Variants in RIOK3 observed in about 807,000 individuals in gnomAD.
RIOK3 encodes the protein RIO kinase 3.
Under a neutral mutation model 63.5 loss-of-function variants are expected in RIOK3, and 40 were observed. That is an observed-to-expected ratio of 0.63 (90% confidence interval 0.49 to 0.82). RIOK3 has a LOEUF of 0.82. RIOK3 is among the 40% of genes least tolerant of loss of function. The probability of loss-of-function intolerance (pLI) is 0.00; values close to 1 mark genes in which losing one functional copy is unlikely to be tolerated. For missense variants in RIOK3, 557 were observed against 637.0 expected (o/e 0.87, Z 1.35); for synonymous variants, 193 against 205.0 (o/e 0.94, Z 0.50).
chr18:23,470,909 G>A (rs2057452249), intron 7 of RIOK3, among the ~76,000 whole-genome samples: 1 of 152,154 alleles, frequency 6.6e-6, no homozygotes, highest in Admixed American at 6.5e-5. Context: ...GGTTAAACTA[G>A]TCCAATGAAA....
At chr18:23,458,818 C>T (rs1399003872) in intron 1 of RIOK3, among the ~76,000 whole-genome samples, 1 of 152,160 alleles carries the variant, frequency 6.6e-6, no homozygotes, top group Non-Finnish European at 1.5e-5. Flanking sequence ...GGTCTTCCCC[C>T]GACCCCAGAA....
intron 1 of RIOK3, among the ~76,000 whole-genome samples, chr18:23,458,438 G>C (rs967691220): frequency 6.6e-6 from 1 of 152,106 alleles, no homozygotes; most frequent in Non-Finnish European, 1.5e-5. Context: ...GTGGGTCTTA[G>C]GGTTATTTAG....
intron 12 of RIOK3, 68 bp from the exon 13 acceptor site, chr18:23,481,104 C>T: frequency 8.4e-7 from 1 of 1,197,108 alleles, no homozygotes; most frequent in African/African-American, 1.5e-5. Context: ...ATTACTAGCA[C>T]AATCTAAAAT....
intron 8 of RIOK3, among the ~76,000 whole-genome samples, chr18:23,474,372 G>GA (rs375024601): frequency 7.1e-4 from 106 of 150,320 alleles, no homozygotes; most frequent in African/African-American, 2.2e-3. Flanking sequence ...GTCTCAAAAA[G>GA]AAAAAAAAAT....
At chr18:23,463,149 C>A in intron 2 of RIOK3, 70 bp downstream of exon 2, 2 of 971,816 alleles carry the variant, frequency 2.1e-6, no homozygotes, top group South Asian at 1.5e-5. Context: ...GAGTAATTGT[C>A]ATGACAAGTG....
At chr18:23,462,580 C>T (rs920573331) in intron 1 of RIOK3, among the ~76,000 whole-genome samples, 1 of 152,206 alleles carries the variant, frequency 6.6e-6, no homozygotes, top group Non-Finnish European at 1.5e-5. Flanking sequence ...TTGGCATAGT[C>T]TATTCCTATA....
chr18:23,480,069 C>T (rs941113965), intron 12 of RIOK3, among the ~76,000 whole-genome samples: 3 of 152,146 alleles, frequency 2.0e-5, no homozygotes, highest in Non-Finnish European at 4.4e-5. Context: ...CTTTACTAAA[C>T]ATAGAAAGTT....
chr18:23,469,257 G>T (rs930435087), intron 7 of RIOK3, among the ~76,000 whole-genome samples: 1 of 149,694 alleles, frequency 6.7e-6, no homozygotes, highest in Non-Finnish European at 1.5e-5. Context: ...CACACCAAGG[G>T]GGCTGGGAGT....
intron 12 of RIOK3, among the ~76,000 whole-genome samples, chr18:23,479,668 T>C (rs2057518495): frequency 1.3e-5 from 2 of 151,938 alleles, no homozygotes; most frequent in Admixed American, 1.3e-4. Context: ...CCTCTGCCTC[T>C]TGGGTTCAAG....
chr18:23,481,045 A>G (rs924268548), intron 12 of RIOK3, 127 bp from the exon 13 acceptor site: 6 of 643,498 alleles, frequency 9.3e-6, no homozygotes, highest in Non-Finnish European at 1.4e-5. Flanking sequence ...GCACCACTGC[A>G]CTCCAGCCTG....
intron 6 of RIOK3, among the ~76,000 whole-genome samples, chr18:23,467,013 C>CT (rs1778795060): frequency 6.7e-6 from 1 of 148,464 alleles, no homozygotes; most frequent in Non-Finnish European, 1.5e-5. Flanking sequence ...CTCTCTGTCT[C>CT]TAAAAAAAAA....
intron 1 of RIOK3, among the ~76,000 whole-genome samples, chr18:23,459,896 G>A (rs925136073): frequency 6.6e-6 from 1 of 152,192 alleles, no homozygotes; most frequent in Non-Finnish European, 1.5e-5. Flanking sequence ...GTTTCTCCAT[G>A]TTGACCAGAC....
intron 5 of RIOK3, 35 bp from the exon 6 acceptor site, chr18:23,466,098 T>A (rs1841016382): frequency 1.3e-6 from 2 of 1,528,922 alleles, no homozygotes; most frequent in East Asian, 2.3e-5. Context: ...GTCCCTATTT[T>A]AAAATATTTA....
intron 12 of RIOK3, among the ~76,000 whole-genome samples, chr18:23,480,521 G>A (rs1312061015): frequency 6.8e-6 from 1 of 146,836 alleles, no homozygotes; most frequent in Non-Finnish European, 1.5e-5. Flanking sequence ...AAAAATACAT[G>A]TATGTATGAC....
In RIOK3 at chr18:23,479,357, G is replaced by A. The variant is rs148958408; in HGVS notation, c.1385G>A (p.Arg462Gln). 183 of 1,613,746 alleles carry A rather than the reference G, an allele frequency of 1.1e-4. 1 individual carries two copies. In the African/African-American group the frequency reaches 2.1e-3, roughly 19 times the overall value. ...GGAGTCAAGGAAGCCCTTAGTGAACGAGAACTCTTCAATGCTGTTTCAGGC... is the reference window on the plus strand; with the variant it reads ...GGAGTCAAGGAAGCCCTTAGTGAACAAGAACTCTTCAATGCTGTTTCAGGC... ...KGGVKEALSE[R>Q]ELFNAVSGLN... is the part of the protein sequence containing the mutation. Residue 462 changes from arginine to glutamine, a missense_variant, in exon 12 of 13, where the codon CGA (arginine) becomes CAA (glutamine). Arg to Gln is a conservative substitution (Grantham distance 43). Around this residue, in one of 3 missense-constraint regions of RIOK3, gnomAD observed 309 missense variants for 338.7 expected, o/e 0.91. Coordinates refer to ENST00000339486, the MANE Select transcript of RIOK3 (RefSeq NM_003831.5).
intron 5 of RIOK3, 45 bp from the exon 6 acceptor site, chr18:23,466,088 G>C (rs2057405015): frequency 6.7e-7 from 1 of 1,483,428 alleles, no homozygotes; most frequent in Non-Finnish European, 9.1e-7. Context: ...GTTTTTAACT[G>C]TCCCTATTTT....
intron 1 of RIOK3, among the ~76,000 whole-genome samples, 181 bp downstream of exon 1, chr18:23,453,683 G>T (rs886265011): frequency 3.9e-5 from 6 of 152,238 alleles, no homozygotes; most frequent in Admixed American, 3.9e-4. Flanking sequence ...CGGAAAGAGG[G>T]GCGGAGGGCG....
At chr18:23,472,116 C>G (rs2145693753) in intron 7 of RIOK3, among the ~76,000 whole-genome samples, 1 of 152,068 alleles carries the variant, frequency 6.6e-6, no homozygotes, top group South Asian at 2.1e-4. Context: ...ACGTGTAATC[C>G]CAGCTACTCA....
At chr18:23,476,573 T>C (rs766951399) in intron 9 of RIOK3, among the ~76,000 whole-genome samples, 5 of 152,140 alleles carry the variant, frequency 3.3e-5, no homozygotes, top group Non-Finnish European at 7.4e-5. Context: ...TTAATTCTAT[T>C]AAGGCTGGAA....
Sources: gnomAD v4.1 joint callset for allele counts (sites outside exome capture counted in the v4.1 genomes callset) on GRCh38, gnomAD v4.1.1 for gene constraint, gnomAD v4.1.1 regional missense constraint, MANE v1.5 for transcripts, NCBI Gene and HGNC (gene_info 2026-07-23, HGNC 2026-07-21) for gene names.